DMD: variants seen among roughly 807,000 people sequenced by gnomAD.
DMD encodes mutant dystrophin.
In DMD, 63 loss-of-function variants were observed where a neutral mutation model predicts 330.1. The observed-to-expected ratio is 0.19, with a 90% CI of 0.16 to 0.24. The LOEUF (loss-of-function observed/expected upper bound fraction) is 0.24, where lower values mean the gene tolerates loss of function less well. Ranked by LOEUF, DMD falls within the 10% of genes least tolerant of loss-of-function variation. The probability of loss-of-function intolerance (pLI) is 1.00; values close to 1 mark genes in which losing one functional copy is unlikely to be tolerated. For missense variants in DMD, 3,344 were observed against 2,684.1 expected, an observed-to-expected ratio of 1.25 and a Z score of -5.43; for synonymous variants, 1,223 against 959.8, an observed-to-expected ratio of 1.27 and a Z score of -5.07.
intron 1 of DMD, among the ~76,000 whole-genome samples, chrX:33,145,262 T>C (rs777208184): frequency 1.7e-4 from 19 of 112,065 alleles, no homozygotes; most frequent in African/African-American, 5.5e-4. Flanking sequence ...CTGGCTATTC[T>C]TTCCTTCTGG....
At chrX:31,178,072 T>A in intron 70 of DMD, 102 bp from the exon 71 acceptor site, 1 of 1,091,689 alleles carries the variant, frequency 9.2e-7, no homozygotes, top group Non-Finnish European at 1.2e-6. Context: ...CAATTAAGTA[T>A]GAACCATGGA....
At chrX:32,293,080 G>C (rs1317290936) in intron 42 of DMD, among the ~76,000 whole-genome samples, 1 of 112,204 alleles carries the variant, frequency 8.9e-6, no homozygotes, top group Admixed American at 9.4e-5. Flanking sequence ...CTTTTGTTTC[G>C]CACCTCAATT....
At chrX:32,363,227 T>G (rs1481817475) in intron 36 of DMD, among the ~76,000 whole-genome samples, 1 of 111,839 alleles carries the variant, frequency 8.9e-6, no homozygotes. Context: ...CTATTTAAAA[T>G]GTTTATTTAG....
At chrX:32,348,588 A>G (rs1474600712) in intron 37 of DMD, 60 bp from the exon 38 acceptor site, 4 of 1,014,742 alleles carry the variant, frequency 3.9e-6, no homozygotes, top group Non-Finnish European at 4.0e-6. Flanking sequence ...AACATAAACC[A>G]AAAGAAATAC....
At chrX:32,735,102 G>T (rs1213071448) in intron 7 of DMD, among the ~76,000 whole-genome samples, 1 of 109,354 alleles carries the variant, frequency 9.1e-6, no homozygotes, top group Admixed American at 9.7e-5. Context: ...AAAATCACAA[G>T]CATTCTTATA....
chrX:33,188,076 A>G, intron 1 of DMD, among the ~76,000 whole-genome samples: 1 of 110,962 alleles, frequency 9.0e-6, no homozygotes, highest in East Asian at 2.9e-4. Context: ...TGTTTCTGAG[A>G]ACTGGAGTCT....
intron 1 of DMD, among the ~76,000 whole-genome samples, chrX:33,327,805 A>C (rs1257290437): frequency 9.0e-6 from 1 of 111,606 alleles, no homozygotes; most frequent in Non-Finnish European, 1.9e-5. Flanking sequence ...TTCTGATTAG[A>C]GCTGTTTCAC....
rs375399258 is a variant in DMD at position 32,491,268 on chromosome X, G to T, written c.2622+9C>A. 9.9e-6 allele frequency: 12 copies of T among 1,211,480 alleles called. No homozygotes were observed. Among genetic ancestry groups the T allele is most frequent in the African/African-American group, 1.7e-5 (1 of 57,852 alleles). On this transcript the variant is annotated intron_variant, in intron 20 of 78. Transcript: ENST00000357033. ...TTATGCTCCAAATGGAAGGAGAAGAGATTCTTACCTTACAAATTTTTAACT... is the reference window on the plus strand; with the variant it reads ...TTATGCTCCAAATGGAAGGAGAAGATATTCTTACCTTACAAATTTTTAACT...
chrX:32,893,913 T>A (rs2085454492), intron 2 of DMD, among the ~76,000 whole-genome samples: 1 of 110,890 alleles, frequency 9.0e-6, no homozygotes, highest in Non-Finnish European at 1.9e-5. Context: ...GCTGGCATGT[T>A]TGGGCTTGCT....
chrX:33,053,287 G>C (rs1456162300), intron 1 of DMD, among the ~76,000 whole-genome samples: 1 of 111,586 alleles, frequency 9.0e-6, no homozygotes, highest in South Asian at 3.8e-4. Context: ...AAAGTGGTTT[G>C]ATGTATGTTA....
chrX:31,503,733 C>T (rs761854207), intron 56 of DMD, among the ~76,000 whole-genome samples: 103 of 111,196 alleles, frequency 9.3e-4, no homozygotes, highest in South Asian at 2.3e-3. Context: ...AGGGTACATA[C>T]TCATATGGGA....
At chrX:32,729,620 C>T (rs2067294678) in intron 7 of DMD, among the ~76,000 whole-genome samples, 1 of 111,220 alleles carries the variant, frequency 9.0e-6, no homozygotes, top group African/African-American at 3.3e-5. Flanking sequence ...AGATTTCTAC[C>T]CTTGTAAGTT....
intron 52 of DMD, among the ~76,000 whole-genome samples, chrX:31,701,027 A>G (rs2083769376): frequency 8.9e-6 from 1 of 112,323 alleles, no homozygotes; most frequent in African/African-American, 3.2e-5. Flanking sequence ...ATTAAAGCGA[A>G]GCTAAAGGGG....
chrX:31,791,059 T>A (rs2091546868), intron 50 of DMD, among the ~76,000 whole-genome samples: 1 of 111,520 alleles, frequency 9.0e-6, no homozygotes, highest in African/African-American at 3.3e-5. Flanking sequence ...GAGAATTTCT[T>A]TCAATGGTCC....
intron 2 of DMD, among the ~76,000 whole-genome samples, chrX:32,896,761 T>C (rs2085760594): frequency 8.9e-6 from 1 of 112,756 alleles, no homozygotes; most frequent in East Asian, 2.8e-4. Flanking sequence ...TAGTTTTCAC[T>C]GTGTTTAAGA....
At chrX:32,254,230 TG>T (rs2097289495) in intron 43 of DMD, among the ~76,000 whole-genome samples, 1 of 111,173 alleles carries the variant, frequency 9.0e-6, no homozygotes, top group Non-Finnish European at 1.9e-5. Context: ...TTAGCAGAGA[TG>T]GGGTTTCACC....
chrX:32,014,942 G>A (rs73451834), intron 44 of DMD, among the ~76,000 whole-genome samples: 8,070 of 111,918 alleles, frequency 0.072, 645 homozygotes, highest in African/African-American at 0.23. Context: ...GAATATCTGA[G>A]GCACATTCTC....
rs772919464 is a variant in DMD, at chrX:32,472,147, T to C, written c.2949+17A>G. 8.3e-7 allele frequency: 1 copy of C among 1,209,229 alleles called. No individual in the cohort carries two copies. The highest frequency in any genetic ancestry group is 3.0e-5 in the East Asian group (1 of 33,818). ...ATAAGCGTGCTTTATTGTTTTGACA[T>C]TCAAATATTCACAGACCTGCAATTC... On this transcript the variant is annotated intron_variant, in intron 22 of 78. Coordinates refer to ENST00000357033, the MANE Select transcript of DMD (RefSeq NM_004006.3).
At chrX:31,663,253 A>G (rs5927793) in intron 53 of DMD, among the ~76,000 whole-genome samples, 18,041 of 110,832 alleles carry the variant, frequency 0.16, 1,219 homozygotes, top group East Asian at 0.36. Flanking sequence ...CAGACCTTAC[A>G]TTGGGTGAAT....
Sources: allele counts gnomAD v4.1 joint callset (sites outside exome capture counted in the v4.1 genomes callset), GRCh38; gene constraint gnomAD v4.1.1; transcripts MANE v1.5; gene names NCBI Gene and HGNC (gene_info 2026-07-23, HGNC 2026-07-21).